MCU: variants seen among roughly 807,000 people sequenced by gnomAD.
MCU encodes calcium uniporter protein, mitochondrial.
MCU carries 12 observed loss-of-function variants against 45.2 expected under a neutral mutation model. That is an observed-to-expected ratio of 0.27 (90% CI 0.17 to 0.43). The LOEUF (loss-of-function observed/expected upper bound fraction) is 0.43, where lower values mean the gene tolerates loss of function less well. Among genes scored for constraint, MCU ranks in the 20% least tolerant of loss-of-function variants. MCU has a pLI of 1.00. For synonymous variants in MCU, 160 were observed against 165.1 expected, an observed-to-expected ratio of 0.97 and a Z score of 0.24; for missense variants, 324 against 436.7, an observed-to-expected ratio of 0.74 and a Z score of 2.30.
intron 1 of MCU, among the ~76,000 whole-genome samples, chr10:72,744,349 A>G (rs530265114): frequency 3.3e-5 from 5 of 151,738 alleles, no homozygotes; most frequent in Admixed American, 3.3e-4. Context: ...GATTGACTTC[A>G]TTTTGCCAAC....
chr10:72,811,326 G>A (rs188475106), intron 1 of MCU, among the ~76,000 whole-genome samples: 2 of 152,302 alleles, frequency 1.3e-5, no homozygotes, highest in African/African-American at 2.4e-5. Flanking sequence ...AATTTGTTGC[G>A]AACTTGTTAA....
intron 1 of MCU, among the ~76,000 whole-genome samples, chr10:72,774,659 C>T (rs1456830727): frequency 6.6e-6 from 1 of 152,022 alleles, no homozygotes; most frequent in African/African-American, 2.4e-5. Flanking sequence ...AAACCCACCT[C>T]ACTAATAAAG....
chr10:72,730,832 C>G (rs576139225), intron 1 of MCU: 1 of 152,230 alleles, frequency 6.6e-6, no homozygotes, highest in Non-Finnish European at 1.5e-5. Flanking sequence ...AGCCATGCAG[C>G]GGTTGATTCT....
chr10:72,774,635 A>G (rs1227198447), intron 1 of MCU, among the ~76,000 whole-genome samples: 2 of 152,120 alleles, frequency 1.3e-5, no homozygotes, highest in Non-Finnish European at 2.9e-5. Flanking sequence ...ACCCAACTAT[A>G]TGCTGCCTTC....
At chr10:72,853,612 T>C (rs1260314250) in intron 2 of MCU, among the ~76,000 whole-genome samples, 5 of 152,118 alleles carry the variant, frequency 3.3e-5, no homozygotes, top group African/African-American at 1.2e-4. Flanking sequence ...TTTTCCAAAT[T>C]TGAGGAAAGC....
intron 1 of MCU, among the ~76,000 whole-genome samples, chr10:72,802,392 G>A (rs1255763746): frequency 6.7e-6 from 1 of 148,922 alleles, no homozygotes; most frequent in Non-Finnish European, 1.5e-5. Flanking sequence ...ATAAATGAGC[G>A]CTGTTTGAGC....
rs372266044 is a variant in MCU at position 72,694,271 on chromosome 10, A to G, written c.150+1970A>G. Among the ~76,000 whole-genome samples the G allele has an allele frequency of 1.4e-4, 21 of 152,324 alleles. No homozygotes were observed. The South Asian group carries it at 4.3e-3, about 32-fold the overall frequency. On this transcript the variant is annotated intron_variant, in intron 1 of 7. Transcript: ENST00000373053. Reference sequence around the variant, plus strand: ...CCATCATGTATACAGCTGTTTCCATAGGATAGTCTGTGATTCTTTACAAGA... The same window carrying G: ...CCATCATGTATACAGCTGTTTCCATGGGATAGTCTGTGATTCTTTACAAGA...
chr10:72,832,886 TC>T (rs1245801919), intron 1 of MCU, among the ~76,000 whole-genome samples: 1 of 149,686 alleles, frequency 6.7e-6, no homozygotes, highest in Non-Finnish European at 1.5e-5. Flanking sequence ...TATTTCAGAT[TC>T]TGTGCTTTTA....
intron 1 of MCU, among the ~76,000 whole-genome samples, chr10:72,785,536 T>C (rs1238686472): frequency 1.3e-5 from 2 of 152,230 alleles, no homozygotes; most frequent in Non-Finnish European, 2.9e-5. Flanking sequence ...GAAGTCATGC[T>C]TGTTGAGTAG....
In MCU at chr10:72,865,765, T is replaced by G. The variant is rs368164125; in HGVS notation, c.497-2938T>G. Reference sequence around the variant, plus strand: ...TGTTGCCCAGGCTGTGTGGTTTTGTTTTTTTTTTTGTTTTTTTTTTTGTTT... The same window carrying G: ...TGTTGCCCAGGCTGTGTGGTTTTGTGTTTTTTTTTGTTTTTTTTTTTGTTT... On this transcript the variant is annotated intron_variant, in intron 4 of 7. Coordinates refer to ENST00000373053, the MANE Select transcript of MCU (RefSeq NM_138357.3). Among the ~76,000 whole-genome samples, 456 of 148,828 alleles carry G rather than the reference T, an allele frequency of 3.1e-3. 3 individuals carry two copies. The highest frequency in any genetic ancestry group is 0.011 in the African/African-American group (424 of 40,292).
At chr10:72,798,992 G>T (rs1276052158) in intron 1 of MCU, among the ~76,000 whole-genome samples, 2 of 151,986 alleles carry the variant, frequency 1.3e-5, no homozygotes, top group Non-Finnish European at 2.9e-5. Flanking sequence ...CACTCAGGCT[G>T]GAGTGCAGTG....
At chr10:72,793,426 A>G (rs1165377261) in intron 1 of MCU, among the ~76,000 whole-genome samples, 3 of 152,214 alleles carry the variant, frequency 2.0e-5, no homozygotes, top group African/African-American at 7.2e-5. Flanking sequence ...AAACAGTCCT[A>G]TATACCTTTG....
chr10:72,788,145 A>C (rs576526440), intron 1 of MCU, among the ~76,000 whole-genome samples: 1 of 152,346 alleles, frequency 6.6e-6, no homozygotes, highest in African/African-American at 2.4e-5. Flanking sequence ...TCTGTGTTCA[A>C]TTTGTACAGG....
intron 2 of MCU, among the ~76,000 whole-genome samples, chr10:72,843,209 T>G (rs1845071965): frequency 6.6e-6 from 1 of 152,200 alleles, no homozygotes; most frequent in Admixed American, 6.5e-5. Context: ...TTACATCCTG[T>G]GGGTTTTGGG....
chr10:72,879,651 A>G (rs1484531883), intron 6 of MCU, among the ~76,000 whole-genome samples: 2 of 152,262 alleles, frequency 1.3e-5, no homozygotes, highest in African/African-American at 4.8e-5. Flanking sequence ...AGGAATAAAG[A>G]GCAACAAAAA....
chr10:72,784,080 A>G (rs1844036334), intron 1 of MCU, among the ~76,000 whole-genome samples: 1 of 152,168 alleles, frequency 6.6e-6, no homozygotes, highest in Admixed American at 6.5e-5. Context: ...GCACCGTTGG[A>G]TGGTGTAGCT....
At chr10:72,711,096 T>C (rs895709855) in intron 1 of MCU, among the ~76,000 whole-genome samples, 1 of 151,918 alleles carries the variant, frequency 6.6e-6, no homozygotes, top group Non-Finnish European at 1.5e-5. Flanking sequence ...GGATAATTGC[T>C]TGAACCTGGG....
intron 1 of MCU, among the ~76,000 whole-genome samples, chr10:72,775,329 G>C (rs144439393): frequency 6.6e-6 from 1 of 151,966 alleles, no homozygotes; most frequent in Non-Finnish European, 1.5e-5. Flanking sequence ...AAATTAAAAA[G>C]TTTCCTGAAA....
chr10:72,767,913 A>G (rs956359902), intron 1 of MCU, among the ~76,000 whole-genome samples: 2 of 152,294 alleles, frequency 1.3e-5, no homozygotes, highest in Non-Finnish European at 2.9e-5. Flanking sequence ...TGGTTGTTTC[A>G]TCTTCATCTT....
Sources: allele counts gnomAD v4.1 joint callset (sites outside exome capture counted in the v4.1 genomes callset), GRCh38; gene constraint gnomAD v4.1.1; transcripts MANE v1.5; gene names NCBI Gene and HGNC (gene_info 2026-07-23, HGNC 2026-07-21).